GABPB1: variants seen among roughly 807,000 people sequenced by gnomAD.
GABPB1 encodes GA binding protein transcription factor subunit beta 1.
In GABPB1, 15 loss-of-function variants were observed where a neutral mutation model predicts 45.9. The ratio of observed to expected loss-of-function variants is 0.33; its 90% CI spans 0.22 to 0.50. The LOEUF is 0.50. Among genes scored for constraint, GABPB1 ranks in the 20% least tolerant of loss-of-function variants. GABPB1 has a pLI of 0.98. For missense variants in GABPB1, 252 were observed against 457.5 expected (o/e 0.55, Z 4.10); for synonymous variants, 143 against 154.4 (o/e 0.93, Z 0.55).
At chr15:50,285,835 T>C in intron 8 of GABPB1, 2 of 1,299,744 alleles carry the variant, frequency 1.5e-6, no homozygotes, top group Non-Finnish European at 1.9e-6. Context: ...CATTCCAGTG[T>C]TATCAAGATG....
intron 1 of GABPB1, among the ~76,000 whole-genome samples, chr15:50,331,585 G>A (rs2047949234): frequency 6.6e-6 from 1 of 152,194 alleles, no homozygotes; most frequent in Non-Finnish European, 1.5e-5. Flanking sequence ...ATTTTATTGA[G>A]ATTACTAGCA....
intron 1 of GABPB1, among the ~76,000 whole-genome samples, chr15:50,315,503 C>T (rs2047291608): frequency 6.6e-6 from 1 of 152,078 alleles, no homozygotes; most frequent in African/African-American, 2.4e-5. Context: ...GGCAATGGGG[C>T]TAATAAGATT....
At chr15:50,283,516 ATTGT>A (rs2046057322) in intron 8 of GABPB1, among the ~76,000 whole-genome samples, 2 of 146,734 alleles carry the variant, frequency 1.4e-5, no homozygotes, top group African/African-American at 2.7e-5. Context: ...TTAGCACCTT[ATTGT>A]TTTTTTTTTT....
intron 6 of GABPB1, among the ~76,000 whole-genome samples, chr15:50,296,870 C>T (rs2046530458): frequency 6.7e-6 from 1 of 149,068 alleles, no homozygotes; most frequent in Non-Finnish European, 1.5e-5. Context: ...AAGTTGTTTA[C>T]TCTGGTGGTA....
intron 1 of GABPB1, among the ~76,000 whole-genome samples, chr15:50,345,957 C>T (rs2048561526): frequency 6.6e-6 from 1 of 151,970 alleles, no homozygotes; most frequent in South Asian, 2.1e-4. Context: ...GTGATCCACC[C>T]GCCCTGGCCT....
chr15:50,327,275 G>A (rs2047803262), intron 1 of GABPB1: 1 of 152,096 alleles, frequency 6.6e-6, no homozygotes, highest in Admixed American at 6.5e-5. Flanking sequence ...CTCAAAAAAA[G>A]AATGCATACA....
intron 1 of GABPB1, among the ~76,000 whole-genome samples, chr15:50,310,693 T>C (rs2047100342): frequency 6.6e-6 from 1 of 152,110 alleles, no homozygotes; most frequent in South Asian, 2.1e-4. Context: ...CATTAGAGGC[T>C]AGAGGCCAGG....
intron 1 of GABPB1, among the ~76,000 whole-genome samples, chr15:50,337,063 GTA>G (rs1222285592): frequency 2.0e-4 from 4 of 20,198 alleles, no homozygotes; most frequent in East Asian, 9.3e-4. Context: ...AAAATTACAT[GTA>G]TATGTGTGTG....
At chr15:50,328,764 G>T (rs559131765) in intron 1 of GABPB1, among the ~76,000 whole-genome samples, 4 of 152,220 alleles carry the variant, frequency 2.6e-5, no homozygotes, top group Non-Finnish European at 5.9e-5. Flanking sequence ...TAATGATCCT[G>T]GCCCAAATCA....
chr15:50,342,558 G>C (rs1230971043), intron 1 of GABPB1, among the ~76,000 whole-genome samples: 2 of 152,138 alleles, frequency 1.3e-5, no homozygotes, highest in Admixed American at 6.5e-5. Flanking sequence ...TATAACAAAA[G>C]TAGTTTGTAG....
intron 1 of GABPB1, among the ~76,000 whole-genome samples, chr15:50,341,472 G>A (rs952993843): frequency 2.0e-5 from 3 of 152,050 alleles, no homozygotes; most frequent in African/African-American, 7.2e-5. Context: ...GGTGAAGGTT[G>A]CAGTGAGCCG....
chr15:50,293,957 T>TA (rs1355105556), intron 6 of GABPB1, among the ~76,000 whole-genome samples: 1 of 152,130 alleles, frequency 6.6e-6, no homozygotes, highest in Non-Finnish European at 1.5e-5. Context: ...TTATTGATTT[T>TA]AAAAAATAGA....
rs572194251 is a variant in GABPB1 at position 50,333,707 on chromosome 15, C to T, written c.-1+21278G>A. Among the ~76,000 whole-genome samples, 4 of 152,256 alleles carry T rather than the reference C, an allele frequency of 2.6e-5. No individual in the cohort carries two copies. The South Asian group carries it at 8.3e-4, about 32-fold the overall frequency. ...TTCATTCCATATAGTAGACATTTCA[C>T]TGTCTGCTGATTTCCACTGTTGCTG... is the stretch of plus-strand genomic sequence containing the variant. On this transcript the variant is annotated intron_variant, in intron 1 of 8. Coordinates refer to ENST00000380877, the MANE Select transcript of GABPB1 (RefSeq NM_016654.5).
intron 6 of GABPB1, among the ~76,000 whole-genome samples, chr15:50,298,562 A>C (rs912722159): frequency 1.3e-5 from 2 of 152,248 alleles, no homozygotes; most frequent in Non-Finnish European, 1.5e-5. Flanking sequence ...CTAATGGCCA[A>C]AAGTGATTCA....
chr15:50,305,790 G>GA (rs1032894100), intron 2 of GABPB1, among the ~76,000 whole-genome samples: 40 of 151,504 alleles, frequency 2.6e-4, no homozygotes, highest in Admixed American at 5.3e-4. Flanking sequence ...AGGGTTTTTT[G>GA]TTTTTTTCTG....
intron 4 of GABPB1, among the ~76,000 whole-genome samples, chr15:50,302,605 C>G (rs1343940943): frequency 7.7e-6 from 1 of 130,270 alleles, no homozygotes; most frequent in Non-Finnish European, 1.5e-5. Flanking sequence ...GATCGTGCCA[C>G]TACACTCCAG....
At chr15:50,344,190 T>C (rs1460084829) in intron 1 of GABPB1, among the ~76,000 whole-genome samples, 1 of 152,216 alleles carries the variant, frequency 6.6e-6, no homozygotes, top group Admixed American at 6.5e-5. Context: ...AAACACCAGC[T>C]TGATAATGTT....
intron 6 of GABPB1, among the ~76,000 whole-genome samples, chr15:50,300,436 G>GTTTTTTTATTTTTTTTT (rs2046693310): frequency 2.5e-5 from 1 of 40,808 alleles, no homozygotes; most frequent in South Asian, 9.0e-4. Flanking sequence ...ACTGTTTTTG[G>GTTTTTTTATTTTTTTTT]TTTTTTTTTT....
At chr15:50,320,250 C>G (rs983181982) in intron 1 of GABPB1, among the ~76,000 whole-genome samples, 2 of 152,222 alleles carry the variant, frequency 1.3e-5, no homozygotes, top group African/African-American at 4.8e-5. Context: ...TCACTGCAAC[C>G]TCCGCCTCCC....
Sources: allele counts gnomAD v4.1 joint callset (sites outside exome capture counted in the v4.1 genomes callset), GRCh38; gene constraint gnomAD v4.1.1; transcripts MANE v1.5; gene names NCBI Gene and HGNC (gene_info 2026-07-23, HGNC 2026-07-21).